Variants in ZMIZ1 observed in about 807,000 individuals in gnomAD.
ZMIZ1 encodes zinc finger MIZ domain-containing protein 1.
In ZMIZ1, 17 loss-of-function variants were observed where a neutral mutation model predicts 113.9. The ratio of observed to expected loss-of-function variants is 0.15; its 90% CI spans 0.10 to 0.22. ZMIZ1 has a LOEUF of 0.22. Ranked by LOEUF, ZMIZ1 falls within the 10% of genes least tolerant of loss-of-function variation. The probability of loss-of-function intolerance (pLI) is 1.00; values close to 1 mark genes in which losing one functional copy is unlikely to be tolerated. For synonymous variants in ZMIZ1, 607 were observed against 603.1 expected, an observed-to-expected ratio of 1.01 and a Z score of -0.09; for missense variants, 1,059 against 1,477.8, an observed-to-expected ratio of 0.72 and a Z score of 4.65.
At chr10:79,123,528 T>G (rs1235980389) in intron 2 of ZMIZ1, among the ~76,000 whole-genome samples, 6 of 152,174 alleles carry the variant, frequency 3.9e-5, no homozygotes, top group Non-Finnish European at 2.9e-5. Context: ...TCCAGGGCTG[T>G]GGCCACACAG....
intron 16 of ZMIZ1, among the ~76,000 whole-genome samples, chr10:79,299,461 C>T (rs1772762346): frequency 1.3e-5 from 2 of 152,244 alleles, no homozygotes; most frequent in African/African-American, 4.8e-5. Flanking sequence ...CAGACCTAGG[C>T]TGGGAAGCTG....
At chr10:79,303,900 G>A in intron 18 of ZMIZ1, 115 bp from the exon 19 acceptor site, 1 of 1,433,984 alleles carries the variant, frequency 7.0e-7, no homozygotes, top group Non-Finnish European at 9.5e-7. Context: ...GTGTGGGCTG[G>A]GAGGAGAACC....
chr10:79,260,131 C>T (rs1001312205), intron 7 of ZMIZ1, among the ~76,000 whole-genome samples: 1 of 152,240 alleles, frequency 6.6e-6, no homozygotes, highest in Non-Finnish European at 1.5e-5. Context: ...TTCAAAACAG[C>T]ATGCATACTC....
chr10:79,103,395 GGCAAAGGA>G (rs1843439614), intron 1 of ZMIZ1, among the ~76,000 whole-genome samples: 1 of 152,216 alleles, frequency 6.6e-6, no homozygotes. Context: ...CCCCCACCCA[GGCAAAGGA>G]GCTGGCGAGG....
intron 7 of ZMIZ1, among the ~76,000 whole-genome samples, chr10:79,231,071 C>A (rs1846097234): frequency 6.6e-6 from 1 of 152,192 alleles, no homozygotes; most frequent in South Asian, 2.1e-4. Context: ...CATGTCCACA[C>A]AGCTAGGCAG....
At chr10:79,277,111 T>C in intron 7 of ZMIZ1, 70 bp from the exon 8 acceptor site, 1 of 1,429,310 alleles carries the variant, frequency 7.0e-7, no homozygotes, top group Non-Finnish European at 9.2e-7. Flanking sequence ...CTGGGGAGAG[T>C]TGGGGGGGGG....
chr10:79,110,044 G>C (rs761270354), intron 1 of ZMIZ1, among the ~76,000 whole-genome samples: 1 of 152,254 alleles, frequency 6.6e-6, no homozygotes, highest in Non-Finnish European at 1.5e-5. Context: ...GAGATGAGGG[G>C]TGCTAGGCAC....
intron 14 of ZMIZ1, among the ~76,000 whole-genome samples, chr10:79,298,170 G>C (rs760997338): frequency 2.6e-5 from 4 of 152,148 alleles, no homozygotes; most frequent in Admixed American, 6.5e-5. Context: ...GTCTCCACAG[G>C]CACCTGACAC....
intron 4 of ZMIZ1, among the ~76,000 whole-genome samples, chr10:79,169,588 A>G (rs1033845297): frequency 2.6e-5 from 4 of 152,252 alleles, no homozygotes; most frequent in Non-Finnish European, 4.4e-5. Context: ...CCATTGCTGG[A>G]GAAGTCACTA....
At chr10:79,263,155 G>T (rs1324216128) in intron 7 of ZMIZ1, among the ~76,000 whole-genome samples, 1 of 152,264 alleles carries the variant, frequency 6.6e-6, no homozygotes, top group Non-Finnish European at 1.5e-5. Context: ...TGACAGAGAT[G>T]GTGCCATGCG....
At chr10:79,300,540 T>A (rs1256145502) in intron 16 of ZMIZ1, among the ~76,000 whole-genome samples, 192 bp from the exon 17 acceptor site, 1 of 151,552 alleles carries the variant, frequency 6.6e-6, no homozygotes, top group Non-Finnish European at 1.5e-5. Flanking sequence ...TTGGGGGCAG[T>A]TTGGGTGTAG....
At chr10:79,212,158 A>T (rs1340707406) in intron 6 of ZMIZ1, among the ~76,000 whole-genome samples, 33 of 148,562 alleles carry the variant, frequency 2.2e-4, no homozygotes, top group Non-Finnish European at 3.7e-4. Flanking sequence ...TTTTTTTTTT[A>T]ATTTTTTTTA....
chr10:79,211,066 C>G (rs1004290106), intron 6 of ZMIZ1, among the ~76,000 whole-genome samples: 1 of 152,212 alleles, frequency 6.6e-6, no homozygotes, highest in African/African-American at 2.4e-5. Context: ...AGTCTAGCTT[C>G]CCTTAGAGCT....
intron 1 of ZMIZ1, among the ~76,000 whole-genome samples, chr10:79,102,663 C>T (rs983467084): frequency 3.9e-5 from 6 of 152,194 alleles, no homozygotes; most frequent in African/African-American, 1.2e-4. Flanking sequence ...GAGTCCCAGG[C>T]GCCACCTGGG....
chr10:79,216,168 G>T lies in ZMIZ1; in HGVS notation c.175-1G>T. On this transcript the variant is annotated splice_acceptor_variant, in intron 6 of 24. Coordinates refer to ENST00000334512, the MANE Select transcript of ZMIZ1 (RefSeq NM_020338.4). LOFTEE classifies it high-confidence loss of function. ...CTGCCCTCCTCCCCTCTTGCTTTCAGGTGGTCAGTCGGGTGGCAGCCCAGC... is the reference window on the plus strand; with the variant it reads ...CTGCCCTCCTCCCCTCTTGCTTTCATGTGGTCAGTCGGGTGGCAGCCCAGC... The T allele has an allele frequency of 6.7e-7, 1 of 1,484,448 alleles. No individual in the cohort carries two copies. The highest frequency in any genetic ancestry group is 1.4e-5 in the South Asian group (1 of 73,700). The allele number at this position is 1,484,448 out of a possible 1,614,324, so 92.0% of individuals were successfully genotyped here.
At chr10:79,264,352 G>A (rs1348244421) in intron 7 of ZMIZ1, among the ~76,000 whole-genome samples, 1 of 152,180 alleles carries the variant, frequency 6.6e-6, no homozygotes, top group East Asian at 1.9e-4. Flanking sequence ...TGCATTCTTG[G>A]GTACCTCTTG....
intron 4 of ZMIZ1, among the ~76,000 whole-genome samples, chr10:79,175,222 A>C (rs1052282117): frequency 6.6e-6 from 1 of 152,202 alleles, no homozygotes; most frequent in Non-Finnish European, 1.5e-5. Flanking sequence ...AACCCCGAGC[A>C]GTCTGCCCAG....
intron 7 of ZMIZ1, among the ~76,000 whole-genome samples, chr10:79,269,006 G>A (rs1009036659): frequency 1.4e-4 from 22 of 152,194 alleles, no homozygotes; most frequent in South Asian, 4.1e-4. Context: ...GGAGGGGCCC[G>A]TCTTCCTGAG....
At chr10:79,151,181 G>A (rs1213394112) in intron 3 of ZMIZ1, among the ~76,000 whole-genome samples, 1 of 152,164 alleles carries the variant, frequency 6.6e-6, no homozygotes, top group Non-Finnish European at 1.5e-5. Context: ...CCAAGCCCCT[G>A]CCATGGGGTG....
Sources: allele counts gnomAD v4.1 joint callset (sites outside exome capture counted in the v4.1 genomes callset), GRCh38; gene constraint gnomAD v4.1.1; transcripts MANE v1.5; gene names NCBI Gene and HGNC (gene_info 2026-07-23, HGNC 2026-07-21).